The following AR variants were observed in gnomAD, a reference collection of about 807,000 sequenced individuals.
The protein encoded by AR is dihydrotestosterone receptor.
In AR, 8 loss-of-function variants were observed where a neutral mutation model predicts 53.9. The ratio of observed to expected loss-of-function variants is 0.15; its 90% confidence interval spans 0.09 to 0.27. AR has a LOEUF of 0.27. Among genes scored for constraint, AR ranks in the 10% least tolerant of loss-of-function variants. AR has a pLI of 1.00. For synonymous variants in AR, 359 were observed against 316.4 expected, an observed-to-expected ratio of 1.13 and a Z score of -1.43; for missense variants, 639 against 742.5, an observed-to-expected ratio of 0.86 and a Z score of 1.62.
Position 67,663,659 on chromosome X carries a change from T to A in AR, c.1768+20252T>A, listed in dbSNP as rs1002391681. On this transcript the variant is annotated intron_variant, in intron 2 of 7. Transcript: ENST00000374690. ...TGGTGTTCTCTGTATTTCCTGAATT[T>A]GAATATTGGCCTGCCTTGCTAGATT... Among the ~76,000 whole-genome samples the A allele has an allele frequency of 2.7e-5, 3 of 112,003 alleles. No homozygotes were observed. The Admixed American group carries it at 2.8e-4, about 11-fold the overall frequency.
At chrX:67,694,869 A>T (rs2076012605) in intron 3 of AR, 1 of 1,070,191 alleles carries the variant, frequency 9.3e-7, no homozygotes, top group Admixed American at 3.8e-5. Context: ...TACTCTCTTG[A>T]TTGCTGACTC....
chrX:67,709,602 C>A (rs939642630), intron 3 of AR, among the ~76,000 whole-genome samples: 2 of 112,154 alleles, frequency 1.8e-5, no homozygotes, highest in Non-Finnish European at 3.8e-5. Context: ...TGAGGCGATG[C>A]CTCTCCCTGC....
intron 1 of AR, among the ~76,000 whole-genome samples, chrX:67,631,534 C>T (rs1009291910): frequency 8.9e-6 from 1 of 111,840 alleles, no homozygotes; most frequent in African/African-American, 3.3e-5. Flanking sequence ...TCTAGTTATA[C>T]ATTCTTCTAA....
chrX:67,689,780 C>A (rs2075985867), intron 3 of AR: 1 of 786,098 alleles, frequency 1.3e-6, no homozygotes, highest in South Asian at 4.1e-5. Flanking sequence ...CAAAAAAAGT[C>A]CAAATGAGGA....
intron 2 of AR, among the ~76,000 whole-genome samples, chrX:67,671,560 C>T (rs1176707774): frequency 8.9e-6 from 1 of 111,735 alleles, no homozygotes; most frequent in Non-Finnish European, 1.9e-5. Flanking sequence ...CCTGTTCCCT[C>T]TGCTGATAGT....
chrX:67,572,342 C>T (rs1921853872), intron 1 of AR, among the ~76,000 whole-genome samples: 1 of 111,253 alleles, frequency 9.0e-6, no homozygotes, highest in Non-Finnish European at 1.9e-5. Context: ...ATTATTAATG[C>T]TTTGCACATG....
intron 1 of AR, among the ~76,000 whole-genome samples, chrX:67,609,068 C>T (rs1450493594): frequency 9.0e-6 from 1 of 110,964 alleles, no homozygotes; most frequent in Non-Finnish European, 1.9e-5. Flanking sequence ...AAGACATTTT[C>T]ATCAACACAG....
In AR at chrX:67,724,203, G is replaced by T. The variant is rs1244550186; in HGVS notation, c.*362G>T. The T allele has an allele frequency of 5.1e-6, 1 of 194,267 alleles. No individual in the cohort carries two copies. Among genetic ancestry groups the T allele is most frequent in the Non-Finnish European group, 9.4e-6 (1 of 106,885 alleles). The allele number at this position is 194,267 out of a possible 1,213,427, so 16.0% of individuals were successfully genotyped here. On this transcript the variant is annotated 3_prime_UTR_variant, in exon 8 of 8. Coordinates refer to ENST00000374690, the MANE Select transcript of AR (RefSeq NM_000044.6). ...ACTACTCTGTGCCAGCCACACAAAC[G>T]TTTACTTATCTTATGCCACGGGAAG...
chrX:67,680,960 G>A, intron 2 of AR: 1 of 233,030 alleles, frequency 4.3e-6, no homozygotes, highest in Non-Finnish European at 8.1e-6. Flanking sequence ...AGAGCCAGCT[G>A]GCATGCAGTG....
intron 1 of AR, among the ~76,000 whole-genome samples, chrX:67,573,620 T>C (rs912854316): frequency 1.5e-4 from 17 of 111,515 alleles, no homozygotes; most frequent in Admixed American, 1.5e-3. Context: ...AGCACAACAC[T>C]GCAAGCTGAC....
At chrX:67,684,540 T>C (rs779349573) in intron 2 of AR, among the ~76,000 whole-genome samples, 27 of 110,971 alleles carry the variant, frequency 2.4e-4, no homozygotes, top group Non-Finnish European at 4.7e-4. Context: ...ACTGTTGTGA[T>C]TTTTAACAGT....
intron 1 of AR, among the ~76,000 whole-genome samples, chrX:67,562,907 A>G (rs1254128598): frequency 8.9e-6 from 1 of 112,083 alleles, no homozygotes; most frequent in East Asian, 2.8e-4. Context: ...GATAAAGGGC[A>G]TGGCACTTAG....
At chrX:67,691,606 CT>C (rs1284236591) in intron 3 of AR, among the ~76,000 whole-genome samples, 1 of 111,655 alleles carries the variant, frequency 9.0e-6, no homozygotes, top group Non-Finnish European at 1.9e-5. Flanking sequence ...CTGGAATACA[CT>C]TTCGAAAACA....
At chrX:67,550,551 C>T (rs967297971) in intron 1 of AR, among the ~76,000 whole-genome samples, 8 of 109,496 alleles carry the variant, frequency 7.3e-5, no homozygotes, top group African/African-American at 2.7e-4. Context: ...TCAAGATCAC[C>T]AGTTTCATTC....
At chrX:67,651,204 C>CT (rs60224900) in intron 2 of AR, among the ~76,000 whole-genome samples, 52,849 of 93,400 alleles carry the variant, frequency 0.57, 15,279 homozygotes, top group East Asian at 0.98. Flanking sequence ...CCACACCCAG[C>CT]TTTTTTTTTT....
intron 1 of AR, among the ~76,000 whole-genome samples, chrX:67,556,987 T>G (rs1921082968): frequency 9.0e-6 from 1 of 111,588 alleles, no homozygotes; most frequent in Non-Finnish European, 1.9e-5. Flanking sequence ...CTTTGAATTT[T>G]ACTCCTAAGC....
chrX:67,571,747 C>A (rs143979733), intron 1 of AR, among the ~76,000 whole-genome samples: 1 of 109,733 alleles, frequency 9.1e-6, no homozygotes, highest in Admixed American at 9.7e-5. Context: ...ATTGACATGA[C>A]AAAATTAAGT....
intron 3 of AR, among the ~76,000 whole-genome samples, chrX:67,701,473 A>G (rs1020986499): frequency 8.9e-6 from 1 of 111,948 alleles, no homozygotes; most frequent in African/African-American, 3.2e-5. Context: ...TTGACTTGAA[A>G]GGTTAAACTA....
chrX:67,710,574 C>T (rs1569312624), intron 3 of AR, among the ~76,000 whole-genome samples: 1 of 111,161 alleles, frequency 9.0e-6, no homozygotes, highest in Non-Finnish European at 1.9e-5. Context: ...CTCAAGCACT[C>T]CTCCCATCTC....
Sources: gnomAD v4.1 joint callset for allele counts (sites outside exome capture counted in the v4.1 genomes callset) on GRCh38, gnomAD v4.1.1 for gene constraint, MANE v1.5 for transcripts, NCBI Gene and HGNC (gene_info 2026-07-23, HGNC 2026-07-21) for gene names.